FBN1: variants seen among roughly 807,000 people sequenced by gnomAD.
FBN1 encodes the protein fibrillin 1.
FBN1 carries 29 observed loss-of-function variants against 365.1 expected under a neutral mutation model. The ratio of observed to expected loss-of-function variants is 0.08; its 90% CI spans 0.06 to 0.11. The LOEUF (loss-of-function observed/expected upper bound fraction) is 0.11. Among genes scored for constraint, FBN1 ranks in the 10% least tolerant of loss-of-function variants. The pLI is 1.00. For synonymous variants in FBN1, 1,210 were observed against 1,270.5 expected, an observed-to-expected ratio of 0.95 and a Z score of 1.01; for missense variants, 2,476 against 3,703.2, an observed-to-expected ratio of 0.67 and a Z score of 8.60.
chr15:48,611,133 A>G (rs895794169), intron 3 of FBN1, among the ~76,000 whole-genome samples: 1 of 152,182 alleles, frequency 6.6e-6, no homozygotes, highest in African/African-American at 2.4e-5. Flanking sequence ...CCAAACAAAC[A>G]AATTAAATCC....
chr15:48,632,129 A>G (rs1402204724), intron 2 of FBN1, among the ~76,000 whole-genome samples: 1 of 152,122 alleles, frequency 6.6e-6, no homozygotes. Flanking sequence ...ATAAAAACTT[A>G]TCCCCAAACT....
At chr15:48,576,147 C>A (rs183870666) in intron 6 of FBN1, among the ~76,000 whole-genome samples, 11 of 152,284 alleles carry the variant, frequency 7.2e-5, no homozygotes, top group African/African-American at 2.4e-4. Flanking sequence ...AATGACTCTC[C>A]ATTTAACTTA....
At chr15:48,532,490 G>GTGTGTA (rs146251396) in intron 8 of FBN1, among the ~76,000 whole-genome samples, 1 of 149,118 alleles carries the variant, frequency 6.7e-6, no homozygotes, top group Non-Finnish European at 1.5e-5. Flanking sequence ...GTGTGTGTGT[G>GTGTGTA]TATATATATA....
intron 2 of FBN1, chr15:48,641,561 A>C (rs1026692222): frequency 6.6e-6 from 1 of 152,188 alleles, no homozygotes; most frequent in African/African-American, 2.4e-5. Flanking sequence ...GGTACCTTTT[A>C]ACTAGAGGAA....
chr15:48,641,929 G>T (rs1890205206), intron 2 of FBN1: 1 of 152,166 alleles, frequency 6.6e-6, no homozygotes, highest in Non-Finnish European at 1.5e-5. Context: ...CTATGGGAAA[G>T]ACTTTGATCC....
intron 61 of FBN1, 84 bp from the exon 62 acceptor site, chr15:48,421,770 C>T (rs910306941): frequency 4.6e-6 from 7 of 1,537,712 alleles, no homozygotes; most frequent in Non-Finnish European, 6.2e-6. Context: ...AGAAGGATAA[C>T]TCGGAAAAGG....
At chr15:48,519,060 C>T (rs1258131760) in intron 10 of FBN1, among the ~76,000 whole-genome samples, 2 of 152,134 alleles carry the variant, frequency 1.3e-5, no homozygotes, top group African/African-American at 4.8e-5. Flanking sequence ...AGCCTCAACA[C>T]AGGAAGGAAT....
chr15:48,537,455 C>T (rs567806677), intron 7 of FBN1, among the ~76,000 whole-genome samples, 156 bp downstream of exon 7: 1 of 152,288 alleles, frequency 6.6e-6, no homozygotes, highest in African/African-American at 2.4e-5. Context: ...TCTCGAGAGC[C>T]ACGTTCCTAA....
chr15:48,589,919 T>C (rs769265976), intron 6 of FBN1, among the ~76,000 whole-genome samples: 1 of 152,154 alleles, frequency 6.6e-6, no homozygotes, highest in Non-Finnish European at 1.5e-5. Flanking sequence ...CCCTGCCACA[T>C]TGTTACTTTC....
At chr15:48,606,392 A>T (rs2044610176) in intron 4 of FBN1, among the ~76,000 whole-genome samples, 1 of 152,224 alleles carries the variant, frequency 6.6e-6, no homozygotes, top group Admixed American at 6.5e-5. Context: ...AGCATGTACT[A>T]CTACTCAGCA....
At chr15:48,612,670 C>G (rs907603306) in intron 3 of FBN1, among the ~76,000 whole-genome samples, 10 of 152,080 alleles carry the variant, frequency 6.6e-5, no homozygotes, top group African/African-American at 2.2e-4. Flanking sequence ...TTGGTAAGGC[C>G]CGTGAGTGGC....
Position 48,465,643 on chromosome 15 carries a change from T to C in FBN1, c.4867A>G (p.Ile1623Val), listed in dbSNP as rs757667957. ...CACTGGAAACTCCCAAAGGTGTTGA[T>C]ACATTTTCCTCCTTGGCACAGCCCT... ...LPGLCQGGKC[I>V]NTFGSFQCRC... The change falls in exon 40 of 66, where the codon ATC (isoleucine) becomes GTC (valine). Residue 1623 changes from isoleucine (I) to valine (V), a missense_variant. Physicochemically the swap from Ile to Val is conservative, Grantham distance 29. This residue lies in a region of FBN1 where 1,780 missense variants were observed against 2,840.8 expected (regional missense o/e 0.63). Transcript: ENST00000316623. 1 of 1,614,112 alleles carries C rather than the reference T, an allele frequency of 6.2e-7. No homozygotes were observed. Among genetic ancestry groups the C allele is most frequent in the Non-Finnish European group, 8.5e-7 (1 of 1,179,982 alleles).
chr15:48,524,957 T>A (rs1473655099), intron 9 of FBN1, among the ~76,000 whole-genome samples: 1 of 152,218 alleles, frequency 6.6e-6, no homozygotes, highest in Non-Finnish European at 1.5e-5. Context: ...TATGTCTTAA[T>A]CCTCATGTAG....
At chr15:48,435,518 TA>T (rs1202209030) in intron 53 of FBN1, among the ~76,000 whole-genome samples, 1 of 151,982 alleles carries the variant, frequency 6.6e-6, no homozygotes, top group Admixed American at 6.6e-5. Flanking sequence ...ATACATCAAA[TA>T]AAATCAAGAT....
intron 32 of FBN1, among the ~76,000 whole-genome samples, chr15:48,478,058 G>T (rs1462888529): frequency 6.6e-6 from 1 of 152,190 alleles, no homozygotes; most frequent in Admixed American, 6.5e-5. Flanking sequence ...TGCCTTCTCT[G>T]CCATCTGGGC....
chr15:48,541,610 TC>T (rs2044058162), intron 6 of FBN1, among the ~76,000 whole-genome samples: 1 of 152,174 alleles, frequency 6.6e-6, no homozygotes, highest in African/African-American at 2.4e-5. Context: ...CTGTTTTTAG[TC>T]CAATACTCCA....
chr15:48,579,859 A>G (rs2044377761), intron 6 of FBN1, among the ~76,000 whole-genome samples: 1 of 152,230 alleles, frequency 6.6e-6, no homozygotes, highest in African/African-American at 2.4e-5. Flanking sequence ...CTTTTTAGCA[A>G]CCCAATACGA....
intron 44 of FBN1, among the ~76,000 whole-genome samples, 173 bp downstream of exon 44, chr15:48,456,464 G>A (rs978763035): frequency 6.6e-6 from 1 of 151,108 alleles, no homozygotes; most frequent in Non-Finnish European, 1.5e-5. Flanking sequence ...ACTGAAGTTA[G>A]TGAATTTTTT....
At chr15:48,412,874 C>T in intron 64 of FBN1, 131 bp from the exon 65 acceptor site, 1 of 1,078,970 alleles carries the variant, frequency 9.3e-7, no homozygotes, top group South Asian at 1.3e-5. Flanking sequence ...GGAGGATCAG[C>T]TAGTTCTGAG....
Sources: gnomAD v4.1 joint callset for allele counts (sites outside exome capture counted in the v4.1 genomes callset) on GRCh38, gnomAD v4.1.1 for gene constraint, gnomAD v4.1.1 regional missense constraint, MANE v1.5 for transcripts, NCBI Gene and HGNC (gene_info 2026-07-23, HGNC 2026-07-21) for gene names.